The following FOXD1 variants were observed in gnomAD, a reference collection of about 807,000 sequenced individuals.
FOXD1 encodes the protein forkhead box D1.
In FOXD1, 4 loss-of-function variants were observed where a neutral mutation model predicts 2.0. The observed-to-expected ratio is 2.03, with a 90% CI of 1.00 to 4.64. The LOEUF is 4.64. FOXD1 is among the 30% of genes most tolerant of loss of function. FOXD1 has a pLI of 0.01. For missense variants in FOXD1, 586 were observed against 647.6 expected (o/e 0.90, Z 1.03); for synonymous variants, 354 against 328.5 (o/e 1.08, Z -0.84).
chr5:73,447,655 A>T lies in FOXD1; in HGVS notation c.708T>A (p.Ser236=). ...CGGCTCCCGCGCCGCGCAGCAGCAGAGACTCGGCGGCCGCGGCGTTGGGTG... is the reference window on the plus strand; with the variant it reads ...CGGCTCCCGCGCCGCGCAGCAGCAGTGACTCGGCGGCCGCGGCGTTGGGTG... ...LLPPNAAAAE[S]LLLRGAGAAG... Residue 236 remains serine (S), a synonymous_variant, in exon 1 of 1, where the codon TCT becomes TCA. Transcript: ENST00000615637. This position sits in a 1 kb window ranked among gnomAD's most constrained non-coding sequence, Gnocchi z 7.8. 10 of 1,565,324 alleles carry T rather than the reference A, an allele frequency of 6.4e-6. No individual in the cohort carries two copies. The highest frequency in any genetic ancestry group is 1.4e-5 in the African/African-American group (1 of 71,628).
rs1745523153 is a variant in FOXD1, at chr5:73,447,409, C to A, written c.954G>T (p.Ala318=). 1 of 981,830 alleles carries A rather than the reference C, an allele frequency of 1.0e-6. No homozygotes were observed. The highest frequency in any genetic ancestry group is 1.1e-4 in the East Asian group (1 of 8,696). 60.8% of individuals were successfully genotyped at this position (981,830 alleles called of 1,614,324 possible). Residue 318 remains alanine (A), a synonymous_variant, in exon 1 of 1, where the codon GCG becomes GCT. Transcript: ENST00000615637. The surrounding 1 kb of genome is among the most constrained non-coding windows in gnomAD (Gnocchi z 7.8). The part of the protein sequence containing the change: ...SPPPPPPPHG[A]AAELARTAFG... The stretch of plus-strand genomic sequence containing the variant: ...AGGCGGTCCGGGCCAGCTCGGCGGC[C>A]GCGCCGTGCGGTGGCGGGGGCGGCG...
Position 73,448,057 on chromosome 5 carries a change from C to CCGCCGCCG in FOXD1, c.305_306insCGGCGGCG (p.Gly106AlafsTer22). The CCGCCGCCG allele has an allele frequency of 8.3e-7, 1 of 1,207,772 alleles. No individual in the cohort carries two copies. 74.8% of individuals were successfully genotyped at this position (1,207,772 alleles called of 1,614,324 possible). A position where few individuals can be genotyped will look rare whatever the true frequency, so the allele number is the denominator to read the frequency against. On this transcript the variant is annotated frameshift_variant, in exon 1 of 1. Coordinates refer to ENST00000615637, the MANE Select transcript of FOXD1 (RefSeq NM_004472.3). LOFTEE classifies it low-confidence loss of function (END_TRUNC). The stretch of plus-strand genomic sequence containing the variant: ...CGCCCGCGCCGCCGCCGCCGCCGCC[C>CCGCCGCCG]CCACCGGCTCCTGCCCCCGCCGCCG...
Position 73,447,838 on chromosome 5 carries a change from G to A in FOXD1, c.525C>T (p.His175=), listed in dbSNP as rs1745536066. 6.2e-7 allele frequency: 1 copy of A among 1,611,678 alleles called. No homozygotes were observed. Among genetic ancestry groups the A allele is most frequent in the Admixed American group, 1.7e-5 (1 of 59,822 alleles). ...KFPAWQNSIR[H]NLSLNDCFVK... ...CGAAGCAGTCGTTGAGCGAGAGGTT[G>A]TGGCGGATGCTGTTCTGCCAGGCGG... The change falls in exon 1 of 1, where the codon CAC becomes CAT. Residue 175 remains histidine (H), a synonymous_variant. Coordinates refer to ENST00000615637, the MANE Select transcript of FOXD1 (RefSeq NM_004472.3). The surrounding 1 kb of genome is among the most constrained non-coding windows in gnomAD (Gnocchi z 7.8).
Position 73,448,234 on chromosome 5 carries a change from C to A in FOXD1, c.129G>T (p.Gly43=), listed in dbSNP as rs1745548120. ...EEDDDEGGGG[G]PRLAVPAQRR... Reference sequence around the variant, plus strand: ...GCTGCGCGGGGACAGCCAGCCGGGGCCCGCCACCGCCGCCCTCGTCGTCGT... The same window carrying A: ...GCTGCGCGGGGACAGCCAGCCGGGGACCGCCACCGCCGCCCTCGTCGTCGT... Residue 43 remains glycine (G), a synonymous_variant, in exon 1 of 1, where the codon GGG becomes GGT. Coordinates refer to ENST00000615637, the MANE Select transcript of FOXD1 (RefSeq NM_004472.3). 2.7e-6 allele frequency: 4 copies of A among 1,480,744 alleles called. No individual in the cohort carries two copies. Among genetic ancestry groups the A allele is most frequent in the Non-Finnish European group, 1.8e-6 (2 of 1,109,404 alleles). 91.7% of individuals were successfully genotyped at this position (1,480,744 alleles called of 1,614,324 possible). A position where few individuals can be genotyped will look rare whatever the true frequency, so the allele number is the denominator to read the frequency against.
At position 73,447,690 on chromosome 5, in the gene FOXD1, G is replaced by A; in HGVS notation, c.673C>T (p.Pro225Ser). 1.2e-6 allele frequency: 2 copies of A among 1,603,392 alleles called. No homozygotes were observed. Among genetic ancestry groups the A allele is most frequent in the Non-Finnish European group, 1.7e-6 (2 of 1,175,868 alleles). The change falls in exon 1 of 1, where the codon CCG (proline) becomes TCG (serine). Residue 225 changes from proline (P) to serine (S), a missense_variant. Physicochemically the swap from Pro to Ser is moderately conservative, Grantham distance 74. Transcript: ENST00000615637. The surrounding 1 kb of genome is among the most constrained non-coding windows in gnomAD (Gnocchi z 7.8). ...GCCGCGGCGTTGGGTGGGAGCAGCGGCTGCCGCTTGAAGCGCTTCCTCCGG... is the reference window on the plus strand; with the variant it reads ...GCCGCGGCGTTGGGTGGGAGCAGCGACTGCCGCTTGAAGCGCTTCCTCCGG... ...LRRRKRFKRQ[P>S]LLPPNAAAAE... is the part of the protein sequence containing the mutation.
At position 73,448,018 on chromosome 5, in the gene FOXD1, C is replaced by G. The variant is rs752453691; in HGVS notation, c.345G>C (p.Ala115=). 9 of 1,379,840 alleles carry G rather than the reference C, an allele frequency of 6.5e-6. No homozygotes were observed. Among genetic ancestry groups the G allele is most frequent in the Middle Eastern group, 2.6e-4 (1 of 3,846 alleles). 85.5% of individuals were successfully genotyped at this position (1,379,840 alleles called of 1,614,324 possible). ...GGGGAGGGGS[A]GSGAKNPLVK... ...CCAGCGGGTTCTTGGCGCCGCTACC[C>G]GCGCTCCCGCCGCCGCCCGCGCCGC... is the stretch of plus-strand genomic sequence containing the variant. The change falls in exon 1 of 1, where the codon GCG becomes GCC. Residue 115 remains alanine (A), a synonymous_variant. Transcript: ENST00000615637.
rs1745507231 is a variant in FOXD1 at position 73,446,886 on chromosome 5, A to G, written c.*79T>C. The G allele has an allele frequency of 2.3e-6, 3 of 1,303,384 alleles. No individual in the cohort carries two copies. Among genetic ancestry groups the G allele is most frequent in the Non-Finnish European group, 3.2e-6 (3 of 939,314 alleles). The allele number at this position is 1,303,384 out of a possible 1,614,324, so 80.7% of individuals were successfully genotyped here. A position where few individuals can be genotyped will look rare whatever the true frequency, so the allele number is the denominator to read the frequency against. The stretch of plus-strand genomic sequence containing the variant: ...GAGAGGGGCCGCGCCTGGAGGAGCG[A>G]ACAAAACACCGAACCACCAAGACGA... On this transcript the variant is annotated 3_prime_UTR_variant, in exon 1 of 1. Transcript: ENST00000615637.
chr5:73,447,406 G>A lies in FOXD1; in HGVS notation c.957C>T (p.Ala319=), dbSNP rs1163514358. ...CGAAGGCGGTCCGGGCCAGCTCGGC[G>A]GCCGCGCCGTGCGGTGGCGGGGGCG... ...PPPPPPPHGA[A]AELARTAFGY... The change falls in exon 1 of 1, where the codon GCC becomes GCT. Residue 319 remains alanine, a synonymous_variant. Coordinates refer to ENST00000615637, the MANE Select transcript of FOXD1 (RefSeq NM_004472.3). The surrounding 1 kb of genome is among the most constrained non-coding windows in gnomAD (Gnocchi z 7.8). 4.1e-6 allele frequency: 4 copies of A among 982,668 alleles called. No individual in the cohort carries two copies. Among genetic ancestry groups the A allele is most frequent in the African/African-American group, 3.5e-5 (2 of 56,522 alleles). The allele number at this position is 982,668 out of a possible 1,614,324, so 60.9% of individuals were successfully genotyped here.
Position 73,448,110 on chromosome 5 carries a change from C to T in FOXD1, c.253G>A (p.Gly85Ser). Residue 85 changes from glycine (G) to serine (S), a missense_variant, in exon 1 of 1, where the codon GGC becomes AGC. Physicochemically the swap from Gly to Ser is moderately conservative, Grantham distance 56. Around this residue, in one of 4 missense-constraint regions of FOXD1, gnomAD observed 183 missense variants for 159.2 expected, o/e 1.15. Transcript: ENST00000615637. ...DDILLAPPAG[G>S]SPAPPGPAPA... ...GCCGGGCCCGGGGGCGCCGGGGAGC[C>T]CCCAGCAGGCGGGGCCAGCAGGATG... 5 of 1,234,456 alleles carry T rather than the reference C, an allele frequency of 4.1e-6. No individual in the cohort carries two copies. The highest frequency in any genetic ancestry group is 5.1e-6 in the Non-Finnish European group (5 of 981,678). 76.5% of individuals were successfully genotyped at this position (1,234,456 alleles called of 1,614,324 possible).
chr5:73,448,172 T>C lies in FOXD1; in HGVS notation c.191A>G (p.Glu64Gly). Residue 64 changes from glutamate to glycine, a missense_variant, in exon 1 of 1, where the codon GAG becomes GGG. Transcript: ENST00000615637. ...RRRRSYAGED[E>G]LEDLEEEEDD... Reference sequence around the variant, plus strand: ...CTCCTCCTCCTCCAGATCCTCCAGCTCGTCCTCCCCGGCGTACGAGCGCCG... The same window carrying C: ...CTCCTCCTCCTCCAGATCCTCCAGCCCGTCCTCCCCGGCGTACGAGCGCCG... 1 of 1,439,630 alleles carries C rather than the reference T, an allele frequency of 6.9e-7. No homozygotes were observed. Among genetic ancestry groups the C allele is most frequent in the Non-Finnish European group, 9.2e-7 (1 of 1,090,230 alleles). The allele number at this position is 1,439,630 out of a possible 1,614,324, so 89.2% of individuals were successfully genotyped here.
rs1236345004 is a variant in FOXD1 at position 73,448,159 on chromosome 5, C to T, written c.204G>A (p.Leu68=). The T allele has an allele frequency of 1.4e-6, 2 of 1,428,150 alleles. No homozygotes were observed. Among genetic ancestry groups the T allele is most frequent in the Non-Finnish European group, 1.8e-6 (2 of 1,083,798 alleles). 88.5% of individuals were successfully genotyped at this position (1,428,150 alleles called of 1,614,324 possible). A position where few individuals can be genotyped will look rare whatever the true frequency, so the allele number is the denominator to read the frequency against. The part of the protein sequence containing the change: ...SYAGEDELED[L]EEEEDDDDIL... ...TGTCATCGTCGTCCTCCTCCTCCTC[C>T]AGATCCTCCAGCTCGTCCTCCCCGG... The change falls in exon 1 of 1, where the codon CTG becomes CTA. Residue 68 remains leucine, a synonymous_variant. Transcript: ENST00000615637.
chr5:73,448,256 T>C lies in FOXD1; in HGVS notation c.107A>G (p.Asp36Gly). 1 of 1,481,356 alleles carries C rather than the reference T, an allele frequency of 6.8e-7. No individual in the cohort carries two copies. Among genetic ancestry groups the C allele is most frequent in the Non-Finnish European group, 9.0e-7 (1 of 1,108,844 alleles). 91.8% of individuals were successfully genotyped at this position (1,481,356 alleles called of 1,614,324 possible). Reference protein sequence around the residue: ...EDEEDEEEEDDDEGGGGGPRL... With the variant: ...EDEEDEEEEDGDEGGGGGPRL... ...GGGCCCGCCACCGCCGCCCTCGTCG[T>C]CGTCCTCCTCTTCCTCGTCTTCTTC... The change falls in exon 1 of 1, where the codon GAC becomes GGC. Residue 36 changes from aspartate (D) to glycine (G), a missense_variant. Physicochemically the swap from Asp to Gly is moderately conservative, Grantham distance 94. This residue lies in a region of FOXD1 where 183 missense variants were observed against 159.2 expected (regional missense o/e 1.15). Transcript: ENST00000615637.
In FOXD1 at chr5:73,447,835, G is replaced by A. The variant is rs1580342193; in HGVS notation, c.528C>T (p.Asn176=). 6.2e-7 allele frequency: 1 copy of A among 1,611,646 alleles called. No homozygotes were observed. Among genetic ancestry groups the A allele is most frequent in the Non-Finnish European group, 8.5e-7 (1 of 1,178,870 alleles). Residue 176 remains asparagine (N), a synonymous_variant, in exon 1 of 1, where the codon AAC becomes AAT. Transcript: ENST00000615637. The surrounding 1 kb of genome is among the most constrained non-coding windows in gnomAD (Gnocchi z 7.8). The part of the protein sequence containing the change: ...FPAWQNSIRH[N]LSLNDCFVKI... ...TGACGAAGCAGTCGTTGAGCGAGAG[G>A]TTGTGGCGGATGCTGTTCTGCCAGG...
At position 73,448,433 on chromosome 5, in the gene FOXD1, C is replaced by G. The variant is rs890957044; in HGVS notation, c.-71G>C. 2.0e-6 allele frequency: 2 copies of G among 1,008,988 alleles called. No individual in the cohort carries two copies. The highest frequency in any genetic ancestry group is 4.6e-5 in the South Asian group (1 of 21,936). 62.5% of individuals were successfully genotyped at this position (1,008,988 alleles called of 1,614,324 possible). On this transcript the variant is annotated 5_prime_UTR_variant, in exon 1 of 1. Coordinates refer to ENST00000615637, the MANE Select transcript of FOXD1 (RefSeq NM_004472.3). ...TCCGGGCTCCCTCTGCGCCCCAGCC[C>G]GGGTCCCGGGCGGCAGGCCCGGCCG...
chr5:73,447,177 G>T lies in FOXD1; in HGVS notation c.1186C>A (p.Pro396Thr). The T allele has an allele frequency of 9.7e-7, 1 of 1,032,476 alleles. No homozygotes were observed. The highest frequency in any genetic ancestry group is 1.2e-6 in the Non-Finnish European group (1 of 864,242). The allele number at this position is 1,032,476 out of a possible 1,614,324, so 64.0% of individuals were successfully genotyped here. The change falls in exon 1 of 1, where the codon CCG becomes ACG. Residue 396 changes from proline (P) to threonine (T), a missense_variant. Pro to Thr is a conservative substitution (Grantham distance 38). Transcript: ENST00000615637. This position sits in a 1 kb window ranked among gnomAD's most constrained non-coding sequence, Gnocchi z 7.8. The part of the protein sequence containing the change: ...AAAQASPSPS[P>T]VAAPPAPGSS... ...CCGGGAGCTGGCGGCGCCGCCACCG[G>T]CGAGGGCGAGGGCGAGGCCTGAGCG...
At position 73,448,480 on chromosome 5, in the gene FOXD1, C is replaced by T. The variant is rs543653188; in HGVS notation, c.-118G>A. 728 of 538,592 alleles carry T rather than the reference C, an allele frequency of 1.4e-3. 3 individuals are homozygous for T. The highest frequency in any genetic ancestry group is 1.3e-3 in the Non-Finnish European group (563 of 421,228). The allele number at this position is 538,592 out of a possible 1,614,324, so 33.4% of individuals were successfully genotyped here. A position where few individuals can be genotyped will look rare whatever the true frequency, so the allele number is the denominator to read the frequency against. On this transcript the variant is annotated 5_prime_UTR_variant, in exon 1 of 1. Transcript: ENST00000615637. Reference sequence around the variant, plus strand: ...GCCGGGGGGCGCCACGCTGGGGGCGCTGCGACTGCGGCTGCCGGAGCTGCG... The same window carrying T: ...GCCGGGGGGCGCCACGCTGGGGGCGTTGCGACTGCGGCTGCCGGAGCTGCG...
chr5:73,447,677 G>A lies in FOXD1; in HGVS notation c.686C>T (p.Pro229Leu). ...CAGAGACTCGGCGGCCGCGGCGTTG[G>A]GTGGGAGCAGCGGCTGCCGCTTGAA... ...KRFKRQPLLP[P>L]NAAAAESLLL... The change falls in exon 1 of 1, where the codon CCC becomes CTC. Residue 229 changes from proline to leucine, a missense_variant. Pro to Leu is a moderately conservative substitution (Grantham distance 98). Around this residue, in one of 4 missense-constraint regions of FOXD1, gnomAD observed 253 missense variants for 234.4 expected, o/e 1.08. Transcript: ENST00000615637. This position sits in a 1 kb window ranked among gnomAD's most constrained non-coding sequence, Gnocchi z 7.8. The A allele has an allele frequency of 1.3e-6, 2 of 1,595,166 alleles. No individual in the cohort carries two copies. The highest frequency in any genetic ancestry group is 8.5e-7 in the Non-Finnish European group (1 of 1,171,886).
chr5:73,448,075 C>T lies in FOXD1; in HGVS notation c.288G>A (p.Ala96=), dbSNP rs1400433247. ...CGCCGCCCCCACCGGCTCCTGCCCC[C>T]GCCGCCGGGGCCGGGCCCGGGGGCG... The part of the protein sequence containing the change: ...SPAPPGPAPA[A]GAGAGGGGGG... The change falls in exon 1 of 1, where the codon GCG becomes GCA. Residue 96 remains alanine (A), a synonymous_variant. Transcript: ENST00000615637. 4 of 1,135,444 alleles carry T rather than the reference C, an allele frequency of 3.5e-6. No homozygotes were observed. The East Asian group carries it at 1.4e-4, about 38-fold the overall frequency. The allele number at this position is 1,135,444 out of a possible 1,614,324, so 70.3% of individuals were successfully genotyped here.
chr5:73,447,211 GGCCTGCGCGGCGGCGGCGGCA>G lies in FOXD1; in HGVS notation c.1131_1151del (p.Ala382_Ala388del). ...AGGGCGAGGCCTGAGCGGCGGCGGCGGCCTGCGCGGCGGCGGCGGCAGCGGCGGCCGGGCCCAAGCTGCCCC... is the reference window on the plus strand; with the variant it reads ...AGGGCGAGGCCTGAGCGGCGGCGGCGGCGGCGGCCGGGCCCAAGCTGCCCC... On this transcript the variant is annotated inframe_deletion, in exon 1 of 1. Transcript: ENST00000615637. This position sits in a 1 kb window ranked among gnomAD's most constrained non-coding sequence, Gnocchi z 7.8. 1.1e-6 allele frequency: 1 copy of G among 903,368 alleles called. No homozygotes were observed. Among genetic ancestry groups the G allele is most frequent in the Non-Finnish European group, 1.3e-6 (1 of 755,790 alleles). The allele number at this position is 903,368 out of a possible 1,614,324, so 56.0% of individuals were successfully genotyped here.
Sources: allele counts gnomAD v4.1 joint callset, GRCh38; gene constraint gnomAD v4.1.1; regional missense constraint gnomAD v4.1.1; non-coding constraint Gnocchi (gnomAD v3.1); transcripts MANE v1.5; gene names NCBI Gene and HGNC (gene_info 2026-07-23, HGNC 2026-07-21).